TTC34: variants seen among roughly 807,000 people sequenced by gnomAD.
TTC34 encodes the protein tetratricopeptide repeat domain 34, also known as tetratricopeptide repeat protein 34.
Under a neutral mutation model 40.7 loss-of-function variants are expected in TTC34, and 44 were observed. The observed-to-expected ratio is 1.08, with a 90% confidence interval of 0.85 to 1.39. TTC34 has a LOEUF of 1.39. Ranked by LOEUF, TTC34 falls within the 40% of genes most tolerant of loss-of-function variation. The pLI is 0.00. For missense variants in TTC34, 884 were observed against 838.0 expected (o/e 1.05, Z -0.68); for synonymous variants, 422 against 398.6 (o/e 1.06, Z -0.70).
chr1:2,691,047 G>A (rs1318002897), intron 6 of TTC34, among the ~76,000 whole-genome samples: 3 of 70,288 alleles, frequency 4.3e-5, no homozygotes, highest in Non-Finnish European at 6.8e-5. Context: ...GACAGCCTCG[G>A]TCAGCACCCA....
chr1:2,692,508 C>A (rs529304347), intron 6 of TTC34, among the ~76,000 whole-genome samples: 630 of 30,310 alleles, frequency 0.021, 1 homozygote, highest in Middle Eastern at 0.12. Flanking sequence ...CCTGCACCCC[C>A]AGGTGTGCAC....
exon 3 of TTC34, chr1:2,789,972 C>T (rs1643644005): frequency 7.7e-6 from 3 of 392,122 alleles, no homozygotes. Context: ...GCGCCCGCCG[C>T]GTCCCCTGCC....
chr1:2,755,775 C>G (rs1641484354), intron 6 of TTC34, among the ~76,000 whole-genome samples: 1 of 138,060 alleles, frequency 7.2e-6, no homozygotes. Context: ...CCTGGAACGG[C>G]ACCCACACCC....
intron 6 of TTC34, among the ~76,000 whole-genome samples, chr1:2,657,458 C>A (rs1557591121): frequency 2.2e-5 from 2 of 89,800 alleles, no homozygotes; most frequent in South Asian, 3.3e-4. Context: ...GCAGCACCCA[C>A]GCCCCCAGGC....
intron 2 of TTC34, among the ~76,000 whole-genome samples, chr1:2,793,522 C>T (rs927904335): frequency 3.9e-5 from 6 of 152,026 alleles, no homozygotes; most frequent in Admixed American, 1.3e-4. Context: ...TATTGATTCC[C>T]TGTTTTGTAT....
At chr1:2,699,096 A>G (rs1310420150) in intron 6 of TTC34, among the ~76,000 whole-genome samples, 22 of 86,772 alleles carry the variant, frequency 2.5e-4, no homozygotes, top group Admixed American at 3.7e-4. Context: ...CACACACCCA[A>G]GTGAGCATCT....
chr1:2,750,486 C>A lies in TTC34; in HGVS notation c.2226+33123G>T, dbSNP rs1641280111. On this transcript the variant is annotated intron_variant, in intron 6 of 8. Coordinates refer to ENST00000401095, the Ensembl canonical transcript of TTC34. ...GACGGCCTGGAACAGCACCCACACCCCCAGTTGAGCATTGGACAGCCTGGA... is the reference window on the plus strand; with the variant it reads ...GACGGCCTGGAACAGCACCCACACCACCAGTTGAGCATTGGACAGCCTGGA... Among the ~76,000 whole-genome samples, 9 of 142,838 alleles carry A rather than the reference C, an allele frequency of 6.3e-5. 2 individuals carry two copies. Among genetic ancestry groups the A allele is most frequent in the Admixed American group, 2.8e-4 (4 of 14,332 alleles). 93.7% of individuals were successfully genotyped at this position (142,838 alleles called of 152,430 possible). A position where few individuals can be genotyped will look rare whatever the true frequency, so the allele number is the denominator to read the frequency against.
Position 2,755,622 on chromosome 1 carries a change from C to T in TTC34, c.2226+27987G>A, listed in dbSNP as rs1272294789. 1.2e-3 allele frequency among the ~76,000 whole-genome samples: 34 copies of T among 27,208 alleles called. 7 individuals are homozygous for T. The highest frequency in any genetic ancestry group is 4.3e-3 in the African/African-American group (32 of 7,390). 17.8% of individuals were successfully genotyped at this position (27,208 alleles called of 152,430 possible). ...CCGACAGCCTGGAGCAGCACCCACA[C>T]ACCCAGGTGCGCATCTGATGGTCTG... On this transcript the variant is annotated intron_variant, in intron 6 of 8. Transcript: ENST00000401095.
chr1:2,798,021 C>T (rs1643727023), intron 2 of TTC34, among the ~76,000 whole-genome samples: 2 of 152,040 alleles, frequency 1.3e-5, no homozygotes, highest in East Asian at 3.9e-4. Context: ...AGCTGCCCAG[C>T]ATCCAAGCCT....
chr1:2,797,279 A>C (rs1643717548), intron 2 of TTC34, among the ~76,000 whole-genome samples: 1 of 150,492 alleles, frequency 6.6e-6, no homozygotes, highest in African/African-American at 2.5e-5. Flanking sequence ...TGCCATCCTC[A>C]CCTCCAGATG....
In TTC34 at chr1:2,771,466, C is replaced by A. The variant is rs1193408348; in HGVS notation, c.2226+12143G>T. ...CAACCCCAGGTGAGCATCTGACAGT[C>A]TGGAACAGCATCCACACCCCCAGGC... On this transcript the variant is annotated intron_variant, in intron 6 of 8. Coordinates refer to ENST00000401095, the Ensembl canonical transcript of TTC34. 2.4e-5 allele frequency among the ~76,000 whole-genome samples: 2 copies of A among 83,016 alleles called. 1 individual carries two copies. Among genetic ancestry groups the A allele is most frequent in the Non-Finnish European group, 4.4e-5 (2 of 45,946 alleles). The allele number at this position is 83,016 out of a possible 152,430, so 54.5% of individuals were successfully genotyped here. A position where few individuals can be genotyped will look rare whatever the true frequency, so the allele number is the denominator to read the frequency against.
At chr1:2,695,297 C>T (rs368716940) in intron 6 of TTC34, among the ~76,000 whole-genome samples, 2 of 105,020 alleles carry the variant, frequency 1.9e-5, no homozygotes, top group Admixed American at 9.2e-5. Context: ...CATCTGATGG[C>T]CTGGAACTGC....
intron 2 of TTC34, among the ~76,000 whole-genome samples, chr1:2,793,223 T>C (rs1643681730): frequency 6.6e-6 from 1 of 152,234 alleles, no homozygotes; most frequent in Non-Finnish European, 1.5e-5. Flanking sequence ...TGGTCTCTCA[T>C]TGTTTTAATT....
At chr1:2,692,017 A>AC (rs1640642308) in intron 6 of TTC34, among the ~76,000 whole-genome samples, 1 of 83,926 alleles carries the variant, frequency 1.2e-5, no homozygotes, top group Non-Finnish European at 2.6e-5. Context: ...ATGTATCAGC[A>AC]CCCACACCCC....
chr1:2,650,688 G>A (rs1032324386), intron 6 of TTC34, among the ~76,000 whole-genome samples: 4 of 123,830 alleles, frequency 3.2e-5, no homozygotes, highest in African/African-American at 9.4e-5. Context: ...TCTGACAGTC[G>A]GGAACAGCAC....
chr1:2,651,473 C>G (rs1639131800), intron 6 of TTC34, among the ~76,000 whole-genome samples: 1 of 152,002 alleles, frequency 6.6e-6, no homozygotes, highest in South Asian at 2.1e-4. Flanking sequence ...GACGCCACCC[C>G]ACACACCCAG....
intron 2 of TTC34, among the ~76,000 whole-genome samples, chr1:2,791,730 G>A (rs1427475528): frequency 3.3e-5 from 5 of 152,040 alleles, no homozygotes; most frequent in Non-Finnish European, 7.4e-5. Flanking sequence ...GGATCCGAGG[G>A]AGCTGCAGCC....
At chr1:2,783,486 TG>T in intron 6 of TTC34, 122 bp downstream of exon 6, 2 of 1,032,466 alleles carry the variant, frequency 1.9e-6, no homozygotes. Context: ...ACATGGGTTT[TG>T]ATGGGCATCT....
chr1:2,656,373 C>A (rs1313822839), intron 6 of TTC34, among the ~76,000 whole-genome samples: 1 of 1,790 alleles, frequency 5.6e-4, no homozygotes, highest in Non-Finnish European at 1.3e-3. Context: ...ACAGCACCCA[C>A]ACCCACAGGT....
Sources: allele counts gnomAD v4.1 joint callset (sites outside exome capture counted in the v4.1 genomes callset), GRCh38; gene constraint gnomAD v4.1.1; transcripts MANE v1.5; gene names NCBI Gene and HGNC (gene_info 2026-07-23, HGNC 2026-07-21).